The following TMEM181 variants were observed in gnomAD, a reference collection of about 807,000 sequenced individuals.
TMEM181 encodes transmembrane protein 181.
In TMEM181, 39 loss-of-function variants were observed where a neutral mutation model predicts 71.9. The ratio of observed to expected loss-of-function variants is 0.54; its 90% CI spans 0.42 to 0.71. The LOEUF (loss-of-function observed/expected upper bound fraction) is 0.71. Among genes scored for constraint, TMEM181 ranks in the 30% least tolerant of loss-of-function variants. The pLI, the probability that TMEM181 is intolerant of heterozygous loss-of-function variation, is 0.00. For synonymous variants in TMEM181, 245 were observed against 228.8 expected (o/e 1.07, Z -0.64); for missense variants, 595 against 583.0 (o/e 1.02, Z -0.21).
chr6:158,587,011 C>T (rs564404410), intron 5 of TMEM181, among the ~76,000 whole-genome samples: 152 of 152,216 alleles, frequency 1.0e-3, no homozygotes, highest in Admixed American at 1.8e-3. Flanking sequence ...TCTTCCTATC[C>T]GAGCGCCTGG....
chr6:158,610,298 A>T, intron 10 of TMEM181: 1 of 291,310 alleles, frequency 3.4e-6, no homozygotes. Flanking sequence ...TGAGGGTGAC[A>T]GCCAAAGGCC....
At chr6:158,625,815 A>G (rs766480055) in intron 13 of TMEM181, 61 bp downstream of exon 13, 1 of 1,439,132 alleles carries the variant, frequency 6.9e-7, no homozygotes, top group Non-Finnish European at 9.7e-7. Flanking sequence ...TGTCAGGAAT[A>G]TCTGTTGCCT....
chr6:158,622,107 C>T (rs1785997156), intron 10 of TMEM181, among the ~76,000 whole-genome samples: 1 of 152,204 alleles, frequency 6.6e-6, no homozygotes, highest in South Asian at 2.1e-4. Flanking sequence ...CCTGCCTGAC[C>T]TCTGCCCAAG....
chr6:158,610,424 CTT>C, intron 10 of TMEM181: 2 of 284,040 alleles, frequency 7.0e-6, no homozygotes, highest in Non-Finnish European at 1.4e-5. Flanking sequence ...GCTGTAAATT[CTT>C]CTGAACTTAG....
intron 7 of TMEM181, among the ~76,000 whole-genome samples, chr6:158,606,489 A>G (rs1316475884): frequency 1.3e-5 from 2 of 152,142 alleles, no homozygotes; most frequent in Non-Finnish European, 2.9e-5. Flanking sequence ...GCTATTTATT[A>G]CTCAGGGCCC....
At chr6:158,560,020 T>G (rs1782061724), upstream of TMEM181, 14 of 983,528 alleles carry the variant, frequency 1.4e-5, no homozygotes, top group Non-Finnish European at 1.7e-5. Context: ...CGGCCCCGCT[T>G]CCACCGCGCC....
At chr6:158,590,922 G>A (rs1270042136) in intron 6 of TMEM181, among the ~76,000 whole-genome samples, 1 of 152,180 alleles carries the variant, frequency 6.6e-6, no homozygotes, top group African/African-American at 2.4e-5. Context: ...GATTTGCCTG[G>A]TCTGGACATT....
At chr6:158,627,925 A>G (rs918672307) in intron 13 of TMEM181, among the ~76,000 whole-genome samples, 12 of 152,144 alleles carry the variant, frequency 7.9e-5, no homozygotes, top group Admixed American at 2.6e-4. Context: ...AGTCTGAACC[A>G]AAGATGTTGC....
At chr6:158,562,530 C>T (rs866597351) in intron 1 of TMEM181, among the ~76,000 whole-genome samples, 2 of 150,468 alleles carry the variant, frequency 1.3e-5, no homozygotes, top group South Asian at 2.1e-4. Context: ...TCTTTTTCAT[C>T]CTGGGGGCAT....
chr6:158,594,120 T>TTTTTTTTTTC (rs1554309324), intron 6 of TMEM181, among the ~76,000 whole-genome samples: 4 of 139,694 alleles, frequency 2.9e-5, no homozygotes, highest in African/African-American at 5.5e-5. Flanking sequence ...TTTTTTTTTT[T>TTTTTTTTTTC]CTGAGACAGA....
chr6:158,567,105 C>T (rs1782554685), intron 1 of TMEM181, among the ~76,000 whole-genome samples: 1 of 152,214 alleles, frequency 6.6e-6, no homozygotes, highest in South Asian at 2.1e-4. Flanking sequence ...GGCCCCGCGG[C>T]TCTAGGCAGG....
chr6:158,567,827 G>A (rs947406518), intron 1 of TMEM181, among the ~76,000 whole-genome samples: 1 of 152,170 alleles, frequency 6.6e-6, no homozygotes, highest in Admixed American at 6.5e-5. Context: ...CTGTGATGAC[G>A]GAGGGAGTGC....
At chr6:158,553,045 G>A (rs915058437) in intron 1 of TMEM181, among the ~76,000 whole-genome samples, 4 of 152,102 alleles carry the variant, frequency 2.6e-5, no homozygotes, top group Admixed American at 6.5e-5. Flanking sequence ...AAAATTAGCC[G>A]GGTGTGGTGG....
upstream of TMEM181, among the ~76,000 whole-genome samples, chr6:158,558,971 T>TGGGCTGG: frequency 6.6e-6 from 1 of 152,216 alleles, no homozygotes; most frequent in Non-Finnish European, 1.5e-5. Flanking sequence ...CCTCTGCTTA[T>TGGGCTGG]GTATGAAAAG....
In TMEM181 at chr6:158,585,319, CA is replaced by C; in HGVS notation, c.277del (p.Ser93AlafsTer4). The C allele has an allele frequency of 6.2e-7, 1 of 1,602,682 alleles. No individual in the cohort carries two copies. Among genetic ancestry groups the C allele is most frequent in the Non-Finnish European group, 8.5e-7 (1 of 1,176,570 alleles). On this transcript the variant is annotated frameshift_variant, in exon 5 of 17. Coordinates refer to ENST00000684151, the MANE Select transcript of TMEM181 (RefSeq NM_001376852.1). LOFTEE classifies it high-confidence loss of function. ...TCTTTTGTAGAAACTTCTATTAAGA[CA>C]AGCTTTCCCATGACTGTTAAAGTCG... ...LDQSKETSIKTSFPMTVKVDG... is the reference protein window; with the variant it reads ...LDQSKETSIKXSFPMTVKVDG...
chr6:158,580,146 C>T (rs1411581732), intron 2 of TMEM181, among the ~76,000 whole-genome samples: 2 of 152,108 alleles, frequency 1.3e-5, no homozygotes, highest in Non-Finnish European at 2.9e-5. Context: ...GCCTGACCAA[C>T]ATGGTGAAAC....
chr6:158,555,493 C>A (rs1051790217), upstream of TMEM181, among the ~76,000 whole-genome samples: 1 of 152,114 alleles, frequency 6.6e-6, no homozygotes, highest in African/African-American at 2.4e-5. Context: ...GTAGAAAAGT[C>A]AGCAGATTTA....
intron 1 of TMEM181, among the ~76,000 whole-genome samples, chr6:158,551,545 C>T (rs990347291): frequency 2.6e-5 from 4 of 152,022 alleles, no homozygotes; most frequent in Non-Finnish European, 4.4e-5. Context: ...TTATTATAAT[C>T]GGGAATTGCC....
chr6:158,580,701 A>G (rs1783421822), intron 2 of TMEM181, among the ~76,000 whole-genome samples: 1 of 152,140 alleles, frequency 6.6e-6, no homozygotes, highest in Non-Finnish European at 1.5e-5. Flanking sequence ...TCTGTGTTGT[A>G]TGCCAGTCAT....
Sources: allele counts gnomAD v4.1 joint callset (sites outside exome capture counted in the v4.1 genomes callset), GRCh38; gene constraint gnomAD v4.1.1; transcripts MANE v1.5; gene names NCBI Gene and HGNC (gene_info 2026-07-23, HGNC 2026-07-21).